KALRN: variants seen among roughly 807,000 people sequenced by gnomAD.
The protein encoded by KALRN is kalirin RhoGEF kinase, also known as kalirin.
Under a neutral mutation model 353.7 loss-of-function variants are expected in KALRN, and 70 were observed. The observed-to-expected ratio is 0.20, with a 90% CI of 0.16 to 0.24. KALRN has a LOEUF of 0.24. Ranked by LOEUF, KALRN falls within the 10% of genes least tolerant of loss-of-function variation. The pLI is 1.00. For synonymous variants in KALRN, 1,391 were observed against 1,434.8 expected, an observed-to-expected ratio of 0.97 and a Z score of 0.69; for missense variants, 2,791 against 3,756.7, an observed-to-expected ratio of 0.74 and a Z score of 6.72.
chr3:124,702,219 C>A, intron 57 of KALRN, 103 bp downstream of exon 57: 1 of 673,920 alleles, frequency 1.5e-6, no homozygotes, highest in Non-Finnish European at 2.5e-6. Flanking sequence ...TTTACAAATG[C>A]AATTCTCTCC....
intron 13 of KALRN, among the ~76,000 whole-genome samples, chr3:124,409,195 G>T (rs1054133504): frequency 1.3e-5 from 2 of 152,190 alleles, no homozygotes; most frequent in East Asian, 1.9e-4. Flanking sequence ...AACTGAGGTG[G>T]AAGTAACTGA....
At chr3:124,486,098 G>A (rs933845983) in intron 28 of KALRN, among the ~76,000 whole-genome samples, 6 of 152,258 alleles carry the variant, frequency 3.9e-5, no homozygotes, top group African/African-American at 9.6e-5. Flanking sequence ...TTACGTCAGA[G>A]TGCTCAATAT....
At chr3:124,295,935 C>T (rs2076810075) in intron 5 of KALRN, among the ~76,000 whole-genome samples, 1 of 152,092 alleles carries the variant, frequency 6.6e-6, no homozygotes, top group Non-Finnish European at 1.5e-5. Context: ...GGCTGGAGGA[C>T]CCAGGATAGT....
At chr3:124,702,138 C>G in intron 57 of KALRN, 22 bp downstream of exon 57, 1 of 1,510,878 alleles carries the variant, frequency 6.6e-7, no homozygotes, top group Non-Finnish European at 9.2e-7. Flanking sequence ...GTTTTATATT[C>G]CTTCATTCAT....
At chr3:124,407,938 A>AT (rs1048118467) in intron 13 of KALRN, among the ~76,000 whole-genome samples, 11 of 151,760 alleles carry the variant, frequency 7.2e-5, no homozygotes, top group South Asian at 2.1e-4. Flanking sequence ...ACGCCCAGCT[A>AT]TTTTTTTTGT....
intron 38 of KALRN, among the ~76,000 whole-genome samples, chr3:124,652,790 G>T (rs1301126009): frequency 2.0e-5 from 3 of 152,000 alleles, no homozygotes; most frequent in Non-Finnish European, 2.9e-5. Flanking sequence ...TGTTAGCCAG[G>T]ATGGTCTCGA....
At chr3:124,380,910 A>G (rs1490288826) in intron 10 of KALRN, among the ~76,000 whole-genome samples, 2 of 152,220 alleles carry the variant, frequency 1.3e-5, no homozygotes, top group African/African-American at 4.8e-5. Context: ...TGAGGGTTGA[A>G]TATTAACATT....
At chr3:124,121,501 T>A (rs1375980925) in intron 1 of KALRN, among the ~76,000 whole-genome samples, 2 of 152,216 alleles carry the variant, frequency 1.3e-5, no homozygotes, top group Non-Finnish European at 2.9e-5. Context: ...ATGTCTACAG[T>A]ACTGTGTTAT....
chr3:124,587,140 G>A (rs2075278533), intron 34 of KALRN, among the ~76,000 whole-genome samples: 1 of 152,206 alleles, frequency 6.6e-6, no homozygotes, highest in Admixed American at 6.5e-5. Context: ...CACTGCAGGG[G>A]ACTGACTGCC....
chr3:124,434,228 A>T, intron 16 of KALRN, 79 bp from the exon 17 acceptor site: 1 of 997,748 alleles, frequency 1.0e-6, no homozygotes, highest in Non-Finnish European at 1.5e-6. Flanking sequence ...GCATCTTTTC[A>T]CTCACGCCTC....
intron 1 of KALRN, among the ~76,000 whole-genome samples, chr3:124,211,122 A>G (rs769252550): frequency 9.2e-5 from 14 of 152,232 alleles, no homozygotes; most frequent in Non-Finnish European, 1.6e-4. Context: ...TGGCAAATCA[A>G]TCACACAGTT....
At chr3:124,066,513 A>G (rs906744871) in intron 1 of KALRN, among the ~76,000 whole-genome samples, 11 of 152,178 alleles carry the variant, frequency 7.2e-5, no homozygotes, top group African/African-American at 2.4e-4. Flanking sequence ...GGAGGGATTT[A>G]GATTTGAAGG....
At position 124,411,232 on chromosome 3, in the gene KALRN, G is replaced by A. The variant is rs1204230247; in HGVS notation, c.2347-2238G>A. On this transcript the variant is annotated intron_variant, in intron 13 of 59. Coordinates refer to ENST00000682506, the MANE Select transcript of KALRN (RefSeq NM_001388419.1). ...GATGGATTGGAAGGGGGCACAAGCA[G>A]GTTCTCTAGAGTGATGGAAAGGCTC... is the stretch of plus-strand genomic sequence containing the variant. Among the ~76,000 whole-genome samples, 12 of 152,194 alleles carry A rather than the reference G, an allele frequency of 7.9e-5. No homozygotes were observed. The East Asian group carries it at 2.3e-3, about 29-fold the overall frequency.
rs973807705 is a variant in KALRN, at chr3:124,405,617, G to A, written c.2346+6746G>A. 2.0e-5 allele frequency among the ~76,000 whole-genome samples: 3 copies of A among 147,750 alleles called. No homozygotes were observed. In the South Asian group the frequency reaches 6.6e-4, roughly 33 times the overall value. The stretch of plus-strand genomic sequence containing the variant: ...CCCAACCCTGTTAATTGACAGTTGT[G>A]ATTATATCAAGGACCTCAGGGTTTT... On this transcript the variant is annotated intron_variant, in intron 13 of 59. Coordinates refer to ENST00000682506, the MANE Select transcript of KALRN (RefSeq NM_001388419.1).
intron 1 of KALRN, among the ~76,000 whole-genome samples, chr3:124,138,694 AT>A (rs1349838985): frequency 2.0e-5 from 3 of 152,072 alleles, no homozygotes; most frequent in African/African-American, 7.2e-5. Context: ...TTTGGTCTTC[AT>A]AGATCAGTCA....
chr3:124,278,627 A>G (rs566837916), intron 5 of KALRN, among the ~76,000 whole-genome samples: 20 of 152,200 alleles, frequency 1.3e-4, no homozygotes, highest in Non-Finnish European at 2.6e-4. Flanking sequence ...AGTGTAGGGC[A>G]GTGCAGGGAA....
chr3:124,302,654 G>A (rs1300435648), intron 6 of KALRN, among the ~76,000 whole-genome samples: 1 of 152,318 alleles, frequency 6.6e-6, no homozygotes, highest in African/African-American at 2.4e-5. Flanking sequence ...ATTTGCTAGG[G>A]CTGCCATAAC....
intron 5 of KALRN, among the ~76,000 whole-genome samples, chr3:124,278,847 T>C (rs1373054909): frequency 6.6e-6 from 1 of 152,178 alleles, no homozygotes; most frequent in Admixed American, 6.5e-5. Context: ...TGTCAGACTT[T>C]ATAAAACAAA....
At chr3:124,569,970 G>A (rs900822369) in intron 34 of KALRN, among the ~76,000 whole-genome samples, 4 of 152,156 alleles carry the variant, frequency 2.6e-5, no homozygotes, top group East Asian at 3.9e-4. Context: ...CTCTGATAGC[G>A]GCCTGCCAAC....
Sources: allele counts gnomAD v4.1 joint callset (sites outside exome capture counted in the v4.1 genomes callset), GRCh38; gene constraint gnomAD v4.1.1; transcripts MANE v1.5; gene names NCBI Gene and HGNC (gene_info 2026-07-23, HGNC 2026-07-21).